Variants in UNC79 observed in about 807,000 individuals in gnomAD.
The protein encoded by UNC79 is protein unc-79 homolog.
A neutral mutation model predicts 283.1 loss-of-function variants in UNC79; 37 were observed. The ratio of observed to expected loss-of-function variants is 0.13; its 90% CI spans 0.10 to 0.17. The LOEUF (loss-of-function observed/expected upper bound fraction) is 0.17, where lower values mean the gene tolerates loss of function less well. Ranked by LOEUF, UNC79 falls within the 10% of genes least tolerant of loss-of-function variation. The probability of loss-of-function intolerance (pLI) is 1.00; values close to 1 mark genes in which losing one functional copy is unlikely to be tolerated. For missense variants in UNC79, 2,272 were observed against 3,211.1 expected (o/e 0.71, Z 7.07); for synonymous variants, 1,107 against 1,200.2 (o/e 0.92, Z 1.61).
chr14:93,371,388 A>G (rs1252232224), intron 1 of UNC79, among the ~76,000 whole-genome samples: 2 of 152,126 alleles, frequency 1.3e-5, no homozygotes, highest in African/African-American at 2.4e-5. Flanking sequence ...CTCCATCTCA[A>G]AAAAACAAAA....
intron 45 of UNC79, chr14:93,691,405 G>A: frequency 2.6e-6 from 1 of 383,434 alleles, no homozygotes; most frequent in East Asian, 4.8e-5. Context: ...TACAGATGAG[G>A]AAACATCCTA....
chr14:93,571,749 A>G (rs960478280), intron 14 of UNC79, 145 bp from the exon 15 acceptor site: 2 of 748,308 alleles, frequency 2.7e-6, no homozygotes, highest in Non-Finnish European at 4.1e-6. Flanking sequence ...TTACGAATCA[A>G]TCTCACACTG....
intron 1 of UNC79, among the ~76,000 whole-genome samples, chr14:93,423,475 T>TAAA (rs2055654814): frequency 2.0e-5 from 3 of 152,192 alleles, no homozygotes; most frequent in Non-Finnish European, 2.9e-5. Context: ...ACTACAGAGC[T>TAAA]ATAGTAACCA....
chr14:93,625,662 A>AT (rs139753225), intron 30 of UNC79, among the ~76,000 whole-genome samples: 1 of 152,034 alleles, frequency 6.6e-6, no homozygotes, highest in Non-Finnish European at 1.5e-5. Flanking sequence ...TGATCCAAGT[A>AT]TTTTTTTGCT....
chr14:93,557,212 G>A (rs1398538637), intron 14 of UNC79, among the ~76,000 whole-genome samples: 8 of 152,220 alleles, frequency 5.3e-5, no homozygotes, highest in Non-Finnish European at 1.2e-4. Flanking sequence ...ATGTTTTAGT[G>A]TGTGAATACA....
intron 5 of UNC79, among the ~76,000 whole-genome samples, chr14:93,491,939 GGGGCTCTCTGGGACCAAGT>G (rs1366590811): frequency 2.6e-5 from 4 of 152,194 alleles, no homozygotes; most frequent in Non-Finnish European, 5.9e-5. Context: ...ATATCCACCA[GGGGCTCTCTGGGACCAAGT>G]GGTAGGTCAT....
chr14:93,417,763 T>C (rs1566922690), intron 1 of UNC79, among the ~76,000 whole-genome samples: 1 of 152,084 alleles, frequency 6.6e-6, no homozygotes, highest in Non-Finnish European at 1.5e-5. Flanking sequence ...TCGCTTCATT[T>C]CATTCATTTC....
intron 1 of UNC79, among the ~76,000 whole-genome samples, chr14:93,407,159 G>A (rs2140041225): frequency 6.6e-6 from 1 of 152,202 alleles, no homozygotes; most frequent in African/African-American, 2.4e-5. Context: ...CCCAGTATGA[G>A]CTCATCTTAA....
intron 22 of UNC79, 150 bp from the exon 23 acceptor site, chr14:93,593,530 G>A (rs910536414): frequency 3.3e-5 from 28 of 850,118 alleles, no homozygotes; most frequent in Middle Eastern, 7.4e-4. Context: ...GTCTGTCAGA[G>A]GATTATCCTC....
intron 1 of UNC79, among the ~76,000 whole-genome samples, chr14:93,456,640 T>G (rs2056803845): frequency 6.6e-6 from 1 of 152,190 alleles, no homozygotes; most frequent in African/African-American, 2.4e-5. Context: ...TGTTCCTCTA[T>G]GAAGGGTGTT....
chr14:93,632,976 A>G (rs962492538), intron 31 of UNC79, among the ~76,000 whole-genome samples: 1 of 152,094 alleles, frequency 6.6e-6, no homozygotes, highest in Non-Finnish European at 1.5e-5. Context: ...ACTGAGCTAA[A>G]CATTAAGGGT....
chr14:93,385,632 A>G (rs1436929602), intron 1 of UNC79, among the ~76,000 whole-genome samples: 1 of 152,152 alleles, frequency 6.6e-6, no homozygotes, highest in African/African-American at 2.4e-5. Context: ...TACAAAAATT[A>G]GCCAGGCGTG....
chr14:93,514,144 C>A (rs1043210246), intron 7 of UNC79, among the ~76,000 whole-genome samples: 12 of 151,936 alleles, frequency 7.9e-5, no homozygotes, highest in Non-Finnish European at 1.8e-4. Flanking sequence ...GAAAAATCAA[C>A]AAAATTAAAA....
At position 93,347,222 on chromosome 14, in the gene UNC79, A is replaced by AC. The variant is rs1837033084; in HGVS notation, c.-351+13701dup. On this transcript the variant is annotated intron_variant, in intron 1 of 49. Transcript: ENST00000256339. ...ACTGGAGCTTGCGTTACTTGGCCTC[A>AC]CCTCACCTGTGCTGTCCACGCCTGG... The AC allele has an allele frequency of 1.9e-6, 3 of 1,538,996 alleles. No homozygotes were observed. In the Admixed American group the frequency reaches 5.8e-5, roughly 30 times the overall value.
chr14:93,545,165 G>T (rs1367421768), intron 14 of UNC79, among the ~76,000 whole-genome samples: 1 of 152,094 alleles, frequency 6.6e-6, no homozygotes, highest in Non-Finnish European at 1.5e-5. Flanking sequence ...TGATGAACAG[G>T]ACTAGAATCT....
In UNC79 at chr14:93,640,709, C is replaced by T. The variant is rs540075028; in HGVS notation, c.5801-436C>T. ...TGCATGGAGTTCTGGGATCTTACCA[C>T]CTTCCCATATTAGCAAAACTGTAAT... is the stretch of plus-strand genomic sequence containing the variant. On this transcript the variant is annotated intron_variant, in intron 32 of 48. Coordinates refer to ENST00000555664, the Ensembl canonical transcript of UNC79. 5.1e-4 allele frequency among the ~76,000 whole-genome samples: 78 copies of T among 152,328 alleles called. 2 individuals carry two copies. In the South Asian group the frequency reaches 6.8e-3, roughly 13 times the overall value.
At chr14:93,401,943 C>T (rs768905760) in intron 1 of UNC79, among the ~76,000 whole-genome samples, 2 of 152,026 alleles carry the variant, frequency 1.3e-5, no homozygotes, top group East Asian at 1.9e-4. Context: ...TCACACAGGA[C>T]GTATCCAATT....
chr14:93,427,172 T>A (rs887752377), upstream of UNC79, among the ~76,000 whole-genome samples: 1 of 152,184 alleles, frequency 6.6e-6, no homozygotes, highest in African/African-American at 2.4e-5. Context: ...AGGTGATATC[T>A]CCTTTACTGT....
chr14:93,618,924 A>G (rs2066926636), intron 29 of UNC79, among the ~76,000 whole-genome samples: 1 of 152,226 alleles, frequency 6.6e-6, no homozygotes, highest in African/African-American at 2.4e-5. Context: ...AACTTTAGCT[A>G]GGGTAAAATT....
Sources: allele counts gnomAD v4.1 joint callset (sites outside exome capture counted in the v4.1 genomes callset), GRCh38; gene constraint gnomAD v4.1.1; transcripts MANE v1.5; gene names NCBI Gene and HGNC (gene_info 2026-07-23, HGNC 2026-07-21).